The following RALGAPA1 variants were observed in gnomAD, a reference collection of about 807,000 sequenced individuals.
The protein encoded by RALGAPA1 is Ral GTPase activating protein catalytic subunit alpha 1.
RALGAPA1 carries 52 observed loss-of-function variants against 269.6 expected under a neutral mutation model. The ratio of observed to expected loss-of-function variants is 0.19; its 90% CI spans 0.15 to 0.24. The LOEUF is 0.24. RALGAPA1 is among the 10% of genes least tolerant of loss of function. RALGAPA1 has a pLI of 1.00. For synonymous variants in RALGAPA1, 817 were observed against 1,008.3 expected (o/e 0.81, Z 3.60); for missense variants, 1,917 against 3,013.9 (o/e 0.64, Z 8.52).
intron 12 of RALGAPA1, among the ~76,000 whole-genome samples, chr14:35,729,336 A>T (rs1027616214): frequency 6.6e-6 from 1 of 152,160 alleles, no homozygotes; most frequent in Non-Finnish European, 1.5e-5. Flanking sequence ...GACTGAAAAC[A>T]ATTTTTAGCA....
intron 37 of RALGAPA1, among the ~76,000 whole-genome samples, chr14:35,595,086 TA>T (rs879597721): frequency 8.3e-4 from 117 of 140,354 alleles, no homozygotes; most frequent in Middle Eastern, 3.5e-3. Flanking sequence ...ATGTGGAATC[TA>T]AAAAAAAAAA....
intron 36 of RALGAPA1, among the ~76,000 whole-genome samples, chr14:35,600,600 C>T (rs1323310607): frequency 6.6e-6 from 1 of 152,154 alleles, no homozygotes; most frequent in Non-Finnish European, 1.5e-5. Context: ...TTCTTCTGTA[C>T]CCCCATTCCC....
chr14:35,545,498 CT>C (rs2054375722), intron 41 of RALGAPA1, among the ~76,000 whole-genome samples: 1 of 151,772 alleles, frequency 6.6e-6, no homozygotes, highest in African/African-American at 2.4e-5. Context: ...ATAGGAACCC[CT>C]ATATTCTCCA....
At chr14:35,635,430 G>C (rs2061606695) in intron 32 of RALGAPA1, 34 bp downstream of exon 32, 1 of 1,544,252 alleles carries the variant, frequency 6.5e-7, no homozygotes, top group East Asian at 2.3e-5. Flanking sequence ...AAAACTCTTG[G>C]TTACCAAATA....
At chr14:35,592,900 C>T (rs2058721388) in intron 37 of RALGAPA1, among the ~76,000 whole-genome samples, 1 of 152,084 alleles carries the variant, frequency 6.6e-6, no homozygotes. Context: ...AACATTATAA[C>T]CAATGAGGAA....
chr14:35,728,195 A>C, intron 13 of RALGAPA1, 167 bp downstream of exon 13: 1 of 669,524 alleles, frequency 1.5e-6, no homozygotes, highest in Non-Finnish European at 2.1e-6. Context: ...GTTTCAGATA[A>C]GCTGAAAGGA....
At chr14:35,635,338 G>A (rs2061602111) in intron 32 of RALGAPA1, 126 bp downstream of exon 32, 17 of 1,129,038 alleles carry the variant, frequency 1.5e-5, no homozygotes, top group Non-Finnish European at 2.0e-5. Context: ...GGCACTGTAA[G>A]CTAAATATGT....
At chr14:35,613,958 T>C (rs563420787) in intron 35 of RALGAPA1, among the ~76,000 whole-genome samples, 1 of 152,268 alleles carries the variant, frequency 6.6e-6, no homozygotes, top group African/African-American at 2.4e-5. Flanking sequence ...ATCAAAATCA[T>C]GAGATATTTT....
intron 36 of RALGAPA1, among the ~76,000 whole-genome samples, chr14:35,605,257 T>C (rs2059528984): frequency 6.6e-6 from 1 of 152,146 alleles, no homozygotes; most frequent in Non-Finnish European, 1.5e-5. Flanking sequence ...TACCCACACA[T>C]TCCTGGAAAG....
intron 33 of RALGAPA1, among the ~76,000 whole-genome samples, chr14:35,629,977 A>T (rs1343371657): frequency 1.4e-5 from 2 of 139,502 alleles, no homozygotes; most frequent in Non-Finnish European, 3.0e-5. Flanking sequence ...ACCTAACTTT[A>T]AAAAAAAAGG....
rs138921457 is a variant in RALGAPA1 at position 35,601,235 on chromosome 14, T to C, written c.7053+4351A>G. ...CTCCAGTGGACAGCAGGTGCCTCAGTAATATTGGTGGCGATGGAATTCTAC... is the reference window on the plus strand; with the variant it reads ...CTCCAGTGGACAGCAGGTGCCTCAGCAATATTGGTGGCGATGGAATTCTAC... On this transcript the variant is annotated intron_variant, in intron 36 of 41. Transcript: ENST00000680220. 2.7e-4 allele frequency among the ~76,000 whole-genome samples: 41 copies of C among 152,318 alleles called. No individual in the cohort carries two copies. The East Asian group carries it at 6.9e-3, about 26-fold the overall frequency.
intron 1 of RALGAPA1, among the ~76,000 whole-genome samples, chr14:35,803,920 G>A (rs933939154): frequency 1.3e-5 from 2 of 151,616 alleles, no homozygotes; most frequent in African/African-American, 4.8e-5. Context: ...CACTGCACCT[G>A]GCCTAAAGAA....
At chr14:35,640,559 A>C (rs904536239) in intron 31 of RALGAPA1, among the ~76,000 whole-genome samples, 1 of 152,182 alleles carries the variant, frequency 6.6e-6, no homozygotes. Context: ...CAAAACCTGA[A>C]CAGACCAGTA....
At chr14:35,768,879 A>C (rs976079641) in intron 4 of RALGAPA1, among the ~76,000 whole-genome samples, 1 of 150,700 alleles carries the variant, frequency 6.6e-6, no homozygotes, top group Non-Finnish European at 1.5e-5. Flanking sequence ...GTGGTGGTGC[A>C]TGCCTGTAAT....
At chr14:35,762,036 T>C (rs1353104673) in intron 5 of RALGAPA1, among the ~76,000 whole-genome samples, 24 of 152,182 alleles carry the variant, frequency 1.6e-4, no homozygotes, top group Non-Finnish European at 2.9e-5. Flanking sequence ...TTTATATATA[T>C]ATGTGTATCT....
At chr14:35,703,682 A>G (rs1174567310) in intron 16 of RALGAPA1, among the ~76,000 whole-genome samples, 1 of 151,764 alleles carries the variant, frequency 6.6e-6, no homozygotes, top group Non-Finnish European at 1.5e-5. Flanking sequence ...TAACCTAAAC[A>G]CTTAGTTACT....
At chr14:35,728,857 C>G (rs1385008222) in intron 12 of RALGAPA1, among the ~76,000 whole-genome samples, 4 of 151,970 alleles carry the variant, frequency 2.6e-5, no homozygotes, top group Non-Finnish European at 5.9e-5. Flanking sequence ...CTCAGCCTCC[C>G]AAGTAGCTGG....
chr14:35,625,238 G>T, intron 35 of RALGAPA1, 123 bp downstream of exon 35: 5 of 536,172 alleles, frequency 9.3e-6, no homozygotes, highest in South Asian at 4.7e-5. Context: ...AAAAACTTTT[G>T]CTCAGAAAGT....
intron 30 of RALGAPA1, 59 bp from the exon 31 acceptor site, chr14:35,651,932 C>T (rs2062853553): frequency 7.2e-7 from 1 of 1,397,926 alleles, no homozygotes; most frequent in East Asian, 2.4e-5. Context: ...ATGGTACATC[C>T]TAAAACTTGA....
Sources: gnomAD v4.1 joint callset for allele counts (sites outside exome capture counted in the v4.1 genomes callset) on GRCh38, gnomAD v4.1.1 for gene constraint, MANE v1.5 for transcripts, NCBI Gene and HGNC (gene_info 2026-07-23, HGNC 2026-07-21) for gene names.